WDFY3: variants seen among roughly 807,000 people sequenced by gnomAD.
WDFY3 encodes WD repeat and FYVE domain-containing protein 3.
In WDFY3, 66 loss-of-function variants were observed where a neutral mutation model predicts 409.6. The ratio of observed to expected loss-of-function variants is 0.16; its 90% CI spans 0.13 to 0.20. WDFY3 has a LOEUF of 0.20. Among genes scored for constraint, WDFY3 ranks in the 10% least tolerant of loss-of-function variants. The probability of loss-of-function intolerance (pLI) is 1.00; values close to 1 mark genes in which losing one functional copy is unlikely to be tolerated. For missense variants in WDFY3, 3,031 were observed against 4,298.1 expected, an observed-to-expected ratio of 0.71 and a Z score of 8.24; for synonymous variants, 1,521 against 1,537.1, an observed-to-expected ratio of 0.99 and a Z score of 0.25.
chr4:84,848,278 A>AG (rs1450959362), intron 5 of WDFY3, among the ~76,000 whole-genome samples: 3 of 152,040 alleles, frequency 2.0e-5, no homozygotes, highest in African/African-American at 4.8e-5. Flanking sequence ...TAGGTCACAG[A>AG]GGAAAAAAAA....
chr4:84,860,757 A>G (rs975385764), intron 3 of WDFY3, 135 bp from the exon 4 acceptor site: 8 of 855,874 alleles, frequency 9.3e-6, no homozygotes, highest in Non-Finnish European at 1.3e-5. Context: ...TTCTTTAAAC[A>G]GAAAAGACAG....
chr4:84,801,701 T>A lies in WDFY3; in HGVS notation c.2771A>T (p.Gln924Leu). The A allele has an allele frequency of 8.1e-6, 13 of 1,612,624 alleles. No homozygotes were observed. Among genetic ancestry groups the A allele is most frequent in the Non-Finnish European group, 1.1e-5 (13 of 1,179,630 alleles). ...AGAGGCTAATCGTTCAAACATCCGC[T>A]GCAGGGGCGGGTGCAGTGAGTGGTC... ...DEDHSLHPPL[Q>L]RMFERLASQA... The change falls in exon 17 of 68, where the codon CAG becomes CTG. Residue 924 changes from glutamine to leucine, a missense_variant. Gln to Leu is a moderately radical substitution (Grantham distance 113, BLOSUM62 -2). Coordinates refer to ENST00000295888, the MANE Select transcript of WDFY3 (RefSeq NM_014991.6).
At chr4:84,673,533 C>T (rs1214916970) in intron 67 of WDFY3, among the ~76,000 whole-genome samples, 1 of 152,120 alleles carries the variant, frequency 6.6e-6, no homozygotes, top group East Asian at 1.9e-4. Context: ...TGCTTTTAAA[C>T]ATTTTGATTG....
intron 27 of WDFY3, among the ~76,000 whole-genome samples, chr4:84,775,509 A>T (rs1745401221): frequency 6.6e-6 from 1 of 152,010 alleles, no homozygotes; most frequent in Non-Finnish European, 1.5e-5. Context: ...ATAGTAGATG[A>T]GATACTTCCG....
chr4:84,786,224 T>C (rs1188127271), intron 23 of WDFY3, 85 bp from the exon 24 acceptor site: 1 of 1,333,814 alleles, frequency 7.5e-7, no homozygotes, highest in African/African-American at 1.5e-5. Context: ...CATTTTTAAA[T>C]GAGGAGGCTT....
chr4:84,840,781 A>C, intron 6 of WDFY3, among the ~76,000 whole-genome samples: 1 of 148,494 alleles, frequency 6.7e-6, no homozygotes, highest in East Asian at 2.0e-4. Context: ...GGGTCTCTCT[A>C]TGTTGCCCAG....
intron 3 of WDFY3, among the ~76,000 whole-genome samples, chr4:84,877,012 C>T (rs553896847): frequency 1.1e-4 from 17 of 152,290 alleles, no homozygotes; most frequent in Non-Finnish European, 2.1e-4. Context: ...TGAAAGAAGG[C>T]TACGCTCTCC....
intron 24 of WDFY3, 28 bp downstream of exon 24, chr4:84,785,951 T>C (rs1009015055): frequency 1.2e-6 from 2 of 1,612,356 alleles, no homozygotes; most frequent in Non-Finnish European, 1.7e-6. Context: ...GAATCAGCCA[T>C]AGTACACCAA....
At chr4:84,704,477 A>G (rs1350925663) in intron 54 of WDFY3, 33 bp from the exon 55 acceptor site, 1 of 1,487,608 alleles carries the variant, frequency 6.7e-7, no homozygotes, top group East Asian at 2.3e-5. Context: ...AATTGAAACC[A>G]AAAGAAGAAA....
intron 37 of WDFY3, among the ~76,000 whole-genome samples, chr4:84,742,323 C>T (rs185578054): frequency 4.5e-4 from 68 of 152,252 alleles, no homozygotes; most frequent in African/African-American, 1.5e-3. Context: ...GTGTATAGCT[C>T]TAATAGCAGT....
At chr4:84,706,497 A>C (rs1255132944) in intron 53 of WDFY3, among the ~76,000 whole-genome samples, 3 of 151,966 alleles carry the variant, frequency 2.0e-5, no homozygotes, top group Non-Finnish European at 4.4e-5. Context: ...GAGTAGGGTC[A>C]AACAAATAGC....
At chr4:84,879,513 A>G (rs1477894948) in intron 3 of WDFY3, 2 of 152,164 alleles carry the variant, frequency 1.3e-5, no homozygotes, top group African/African-American at 4.8e-5. Context: ...ATTAATTTGA[A>G]AAGCAAATCT....
At chr4:84,775,491 C>T (rs571382113) in intron 27 of WDFY3, among the ~76,000 whole-genome samples, 11 of 151,292 alleles carry the variant, frequency 7.3e-5, no homozygotes, top group African/African-American at 2.2e-4. Flanking sequence ...ATATACTGGA[C>T]GGCATTAATA....
At chr4:84,934,448 G>T (rs1271578866) in intron 1 of WDFY3, among the ~76,000 whole-genome samples, 1 of 152,108 alleles carries the variant, frequency 6.6e-6, no homozygotes, top group Non-Finnish European at 1.5e-5. Context: ...TCAAATCATT[G>T]ATCTAGTTAT....
chr4:84,893,129 T>A (rs1765161649), intron 3 of WDFY3, among the ~76,000 whole-genome samples: 1 of 152,224 alleles, frequency 6.6e-6, no homozygotes, highest in Non-Finnish European at 1.5e-5. Flanking sequence ...ATTCAGTGTT[T>A]ACTTCTCTTC....
chr4:84,727,548 A>C (rs1186926631), intron 44 of WDFY3, among the ~76,000 whole-genome samples: 1 of 152,216 alleles, frequency 6.6e-6, no homozygotes, highest in African/African-American at 2.4e-5. Flanking sequence ...TAAAAGAATT[A>C]GGTAATGGCT....
chr4:84,716,331 C>A (rs1733901023), intron 49 of WDFY3, among the ~76,000 whole-genome samples: 1 of 147,486 alleles, frequency 6.8e-6, no homozygotes, highest in Non-Finnish European at 1.5e-5. Flanking sequence ...CCCAGCTATG[C>A]AGGAGGCTGA....
In WDFY3 at chr4:84,733,402, C is replaced by T; in HGVS notation, c.7201G>A (p.Glu2401Lys). 1.2e-6 allele frequency: 2 copies of T among 1,614,096 alleles called. No homozygotes were observed. The highest frequency in any genetic ancestry group is 1.7e-6 in the Non-Finnish European group (2 of 1,179,986). Reference sequence around the variant, plus strand: ...CTCACCGCCACATTTGTCTCTTGCTCAGTTTCTGGCACGTAAGGGTAATGG... The same window carrying T: ...CTCACCGCCACATTTGTCTCTTGCTTAGTTTCTGGCACGTAAGGGTAATGG... ...YNHYPYVPET[E>K]QETNVASEIP... Residue 2401 changes from glutamate to lysine, a missense_variant, in exon 44 of 68, where the codon GAG becomes AAG. Coordinates refer to ENST00000295888, the MANE Select transcript of WDFY3 (RefSeq NM_014991.6).
At position 84,736,324 on chromosome 4, in the gene WDFY3, T is replaced by C. The variant is rs2149193709; in HGVS notation, c.6761A>G (p.His2254Arg). The change falls in exon 42 of 68, where the codon CAT (histidine) becomes CGT (arginine). Residue 2254 changes from histidine (H) to arginine (R), a missense_variant. By Grantham distance (29) the His-to-Arg change is conservative. This residue lies in a region of WDFY3 where 98 missense variants were observed against 194.9 expected (regional missense o/e 0.50). Transcript: ENST00000295888. ...ALKCWQNHLAHEKKCISRGEA... is the reference protein window; with the variant it reads ...ALKCWQNHLAREKKCISRGEA... Reference sequence around the variant, plus strand: ...TCCTCGACTTATGCATTTCTTTTCATGGGCTATTAAAAAATCAAATTAGAT... The same window carrying C: ...TCCTCGACTTATGCATTTCTTTTCACGGGCTATTAAAAAATCAAATTAGAT... 1.3e-6 allele frequency: 2 copies of C among 1,583,920 alleles called. No individual in the cohort carries two copies. Among genetic ancestry groups the C allele is most frequent in the East Asian group, 2.2e-5 (1 of 44,644 alleles).
Sources: gnomAD v4.1 joint callset for allele counts (sites outside exome capture counted in the v4.1 genomes callset) on GRCh38, gnomAD v4.1.1 for gene constraint, gnomAD v4.1.1 regional missense constraint, MANE v1.5 for transcripts, NCBI Gene and HGNC (gene_info 2026-07-23, HGNC 2026-07-21) for gene names.